PLCG2: variants seen among roughly 807,000 people sequenced by gnomAD.
PLCG2 encodes 1-phosphatidylinositol 4,5-bisphosphate phosphodiesterase gamma-2.
PLCG2 carries 69 observed loss-of-function variants against 175.6 expected under a neutral mutation model. The observed-to-expected ratio is 0.39, with a 90% CI of 0.32 to 0.48. The LOEUF is 0.48. Ranked by LOEUF, PLCG2 falls within the 20% of genes least tolerant of loss-of-function variation. PLCG2 has a pLI of 0.91. For missense variants in PLCG2, 1,798 were observed against 1,650.9 expected, an observed-to-expected ratio of 1.09 and a Z score of -1.54; for synonymous variants, 827 against 624.0, an observed-to-expected ratio of 1.33 and a Z score of -4.85.
At chr16:81,773,235 C>T (rs1191065495) in intron 2 of PLCG2, among the ~76,000 whole-genome samples, 2 of 152,142 alleles carry the variant, frequency 1.3e-5, no homozygotes, top group Non-Finnish European at 2.9e-5. Context: ...CCAGGAGTGG[C>T]AGATGTGGAA....
intron 4 of PLCG2, 150 bp from the exon 5 acceptor site, chr16:81,858,966 C>T: frequency 1.8e-6 from 1 of 547,208 alleles, no homozygotes. Flanking sequence ...TAGGAGGAAA[C>T]TGCTTCCCAA....
chr16:81,861,653 C>T (rs28580080), intron 5 of PLCG2, among the ~76,000 whole-genome samples: 14,253 of 152,138 alleles, frequency 0.094, 682 homozygotes, highest in Middle Eastern at 0.12. Flanking sequence ...CTTTCAGCCT[C>T]GGAGGTGATG....
At chr16:81,947,617 G>C (rs1292253059) in intron 31 of PLCG2, among the ~76,000 whole-genome samples, 4 of 152,202 alleles carry the variant, frequency 2.6e-5, no homozygotes, top group African/African-American at 9.7e-5. Context: ...GGCTAAGATG[G>C]AGTTTACTCA....
At chr16:81,956,919 C>T (rs767065261) in intron 32 of PLCG2, 40 bp downstream of exon 32, 3 of 1,558,702 alleles carry the variant, frequency 1.9e-6, no homozygotes, top group Admixed American at 3.4e-5. Context: ...TTTGGGGGGT[C>T]TCTAGGCACG....
Position 81,920,996 on chromosome 16 carries a change from A to C in PLCG2, c.2236-202A>C, listed in dbSNP as rs115277251. Among the ~76,000 whole-genome samples, 684 of 152,168 alleles carry C rather than the reference A, an allele frequency of 4.5e-3. 7 individuals are homozygous for C. The highest frequency in any genetic ancestry group is 0.016 in the African/African-American group (656 of 41,498). ...AGCAGGCCAGGACAGGGCCTCTCTG[A>C]TTTTGGGTTAGTTTCCAAGTCTGGG... is the stretch of plus-strand genomic sequence containing the variant. On this transcript the variant is annotated intron_variant, in intron 20 of 32. Transcript: ENST00000564138.
At chr16:81,804,122 G>A (rs1041744759) in intron 2 of PLCG2, among the ~76,000 whole-genome samples, 2 of 152,200 alleles carry the variant, frequency 1.3e-5, no homozygotes, top group African/African-American at 4.8e-5. Flanking sequence ...TTAAGGAATT[G>A]CCAAGACTGT....
At chr16:81,899,000 C>T (rs898596703) in intron 13 of PLCG2, among the ~76,000 whole-genome samples, 1 of 152,002 alleles carries the variant, frequency 6.6e-6, no homozygotes, top group Non-Finnish European at 1.5e-5. Context: ...GCAGCCTGGC[C>T]AACATGGTGA....
At chr16:81,913,894 C>T (rs545945847) in intron 19 of PLCG2, among the ~76,000 whole-genome samples, 72 of 152,284 alleles carry the variant, frequency 4.7e-4, no homozygotes, top group African/African-American at 1.7e-3. Flanking sequence ...ACCGTGGTGA[C>T]GGTCATTATC....
Position 81,937,795 on chromosome 16 carries a change from C to A in PLCG2, c.3090C>A (p.Leu1030=). The A allele has an allele frequency of 1.2e-6, 2 of 1,613,982 alleles. No individual in the cohort carries two copies. Among genetic ancestry groups the A allele is most frequent in the Non-Finnish European group, 1.7e-6 (2 of 1,179,874 alleles). The change falls in exon 28 of 33, where the codon CTC becomes CTA. Residue 1030 remains leucine (L), a synonymous_variant. Coordinates refer to ENST00000564138, the MANE Select transcript of PLCG2 (RefSeq NM_002661.5). ...AGATGAATCACGCATTGTTTTCTCT[C>A]AATGGGCGCACGGGCTACGTTCTGC... The part of the protein sequence containing the change: ...YMQMNHALFS[L]NGRTGYVLQP...
At chr16:81,907,552 G>C in intron 15 of PLCG2, 133 bp from the exon 16 acceptor site, 1 of 534,980 alleles carries the variant, frequency 1.9e-6, no homozygotes, top group East Asian at 3.1e-5. Context: ...CAGAGAATTC[G>C]CCATAAATGT....
intron 2 of PLCG2, among the ~76,000 whole-genome samples, chr16:81,836,984 C>T (rs1475146718): frequency 1.3e-5 from 2 of 152,080 alleles, no homozygotes; most frequent in Non-Finnish European, 2.9e-5. Flanking sequence ...TCTCTGAAGC[C>T]GAAAGGTCCT....
At chr16:81,753,331 A>C (rs1029237505) in intron 1 of PLCG2, among the ~76,000 whole-genome samples, 9 of 146,752 alleles carry the variant, frequency 6.1e-5, no homozygotes, top group African/African-American at 2.3e-4. Flanking sequence ...ATTGTGTTAA[A>C]GTCCTGGCAG....
chr16:81,924,402 G>T (rs770931947), intron 22 of PLCG2, among the ~76,000 whole-genome samples: 1 of 152,230 alleles, frequency 6.6e-6, no homozygotes, highest in East Asian at 1.9e-4. Context: ...TTTTAAGCAC[G>T]TTTGAAATAA....
At chr16:81,858,972 C>T (rs1480737547) in intron 4 of PLCG2, 144 bp from the exon 5 acceptor site, 1 of 551,766 alleles carries the variant, frequency 1.8e-6, no homozygotes, top group African/African-American at 1.9e-5. Flanking sequence ...GAAACTGCTT[C>T]CCAAGCTGCC....
At chr16:81,919,422 G>A (rs950465810) in intron 19 of PLCG2, 62 bp from the exon 20 acceptor site, 2 of 1,332,552 alleles carry the variant, frequency 1.5e-6, no homozygotes, top group South Asian at 1.2e-5. Context: ...AGTAGGGTTT[G>A]TGTAAAAATT....
At chr16:81,952,637 T>A (rs76646806) in intron 31 of PLCG2, among the ~76,000 whole-genome samples, 65 of 152,156 alleles carry the variant, frequency 4.3e-4, no homozygotes, top group Non-Finnish European at 5.3e-4. Flanking sequence ...TAATATCAGA[T>A]TCTAGCACAC....
At position 81,805,776 on chromosome 16, in the gene PLCG2, TTTTTTTG is replaced by T. The variant is rs1911988802; in HGVS notation, c.193+19601_193+19607del. Among the ~76,000 whole-genome samples the T allele has an allele frequency of 1.6e-3, 188 of 114,000 alleles. 4 individuals carry two copies. Among genetic ancestry groups the T allele is most frequent in the African/African-American group, 4.5e-3 (126 of 28,260 alleles). The allele number at this position is 114,000 out of a possible 152,430, so 74.8% of individuals were successfully genotyped here. ...AGTAGTGTTTTGTTTTGTTTTTTTTTTTTTTTGTTTTTTTTTTTTTTTGCTGTTATTG... is the reference window on the plus strand; with the variant it reads ...AGTAGTGTTTTGTTTTGTTTTTTTTTTTTTTTTTTTTTTTTGCTGTTATTG... On this transcript the variant is annotated intron_variant, in intron 2 of 32. Transcript: ENST00000564138.
At position 81,867,444 on chromosome 16, in the gene PLCG2, G is replaced by A. The variant is rs1181212157; in HGVS notation, c.480-1770G>A. 2.6e-5 allele frequency among the ~76,000 whole-genome samples: 4 copies of A among 152,278 alleles called. No individual in the cohort carries two copies. In the South Asian group the frequency reaches 8.3e-4, roughly 32 times the overall value. On this transcript the variant is annotated intron_variant, in intron 5 of 32. Transcript: ENST00000564138. ...GTGGTCATTATGGGCACACTGGGTTGGAGTTTGAGGCTAGCACAGATAAGG... is the reference window on the plus strand; with the variant it reads ...GTGGTCATTATGGGCACACTGGGTTAGAGTTTGAGGCTAGCACAGATAAGG...
At chr16:81,809,696 T>A (rs1185941627) in intron 2 of PLCG2, among the ~76,000 whole-genome samples, 1 of 151,946 alleles carries the variant, frequency 6.6e-6, no homozygotes, top group Non-Finnish European at 1.5e-5. Context: ...TGTGAGCCTG[T>A]GTGTGCCTAT....
Sources: gnomAD v4.1 joint callset for allele counts (sites outside exome capture counted in the v4.1 genomes callset) on GRCh38, gnomAD v4.1.1 for gene constraint, MANE v1.5 for transcripts, NCBI Gene and HGNC (gene_info 2026-07-23, HGNC 2026-07-21) for gene names.